Variants in MYO10 observed in about 807,000 individuals in gnomAD.
MYO10 encodes the protein myosin X, also known as unconventional myosin-X.
MYO10 carries 133 observed loss-of-function variants against 257.3 expected under a neutral mutation model. The ratio of observed to expected loss-of-function variants is 0.52; its 90% CI spans 0.45 to 0.60. MYO10 has a LOEUF of 0.60. Ranked by LOEUF, MYO10 falls within the 20% of genes least tolerant of loss-of-function variation. MYO10 has a pLI of 0.00. For synonymous variants in MYO10, 1,104 were observed against 1,028.6 expected, an observed-to-expected ratio of 1.07 and a Z score of -1.40; for missense variants, 2,399 against 2,635.7, an observed-to-expected ratio of 0.91 and a Z score of 1.97.
At chr5:16,811,014 A>G (rs1742420095) in intron 3 of MYO10, among the ~76,000 whole-genome samples, 1 of 149,766 alleles carries the variant, frequency 6.7e-6, no homozygotes, top group Non-Finnish European at 1.5e-5. Context: ...GGTTGCAGTG[A>G]GCCGACATGG....
At chr5:16,820,544 A>G (rs1172911735) in intron 2 of MYO10, among the ~76,000 whole-genome samples, 1 of 151,842 alleles carries the variant, frequency 6.6e-6, no homozygotes, top group Admixed American at 6.6e-5. Context: ...CCCTTCCCAA[A>G]TTTTCTTCTA....
chr5:16,896,761 C>T (rs1242502603), intron 1 of MYO10, among the ~76,000 whole-genome samples: 1 of 152,084 alleles, frequency 6.6e-6, no homozygotes, highest in Admixed American at 6.5e-5. Context: ...AGTGGGGTGG[C>T]AGGGCACTCC....
chr5:16,810,135 G>A (rs200442619), intron 3 of MYO10, among the ~76,000 whole-genome samples: 2 of 152,258 alleles, frequency 1.3e-5, no homozygotes, highest in East Asian at 3.9e-4. Context: ...TCAACACTGT[G>A]CTTAGATGCT....
chr5:16,877,580 G>T (rs771032585), intron 2 of MYO10, 29 bp downstream of exon 2: 7 of 1,562,814 alleles, frequency 4.5e-6, no homozygotes, highest in South Asian at 3.4e-5. Context: ...GACCATGGAT[G>T]TTGGGAAGCT....
At chr5:16,750,440 T>C (rs1156564149) in intron 19 of MYO10, among the ~76,000 whole-genome samples, 1 of 150,362 alleles carries the variant, frequency 6.7e-6, no homozygotes, top group Non-Finnish European at 1.5e-5. Flanking sequence ...AAACAAAAGC[T>C]CACAAAGGAT....
Position 16,701,049 on chromosome 5 carries a change from G to T in MYO10, c.3346C>A (p.Gln1116Lys). ...GAGCAGCGGTAGTCGGGGGACCACT[G>T]GCTGCCGTAGGAGTTGGAGAAGGTC... ...SVTFSNSYGS[Q>K]WSPDYRCSVG... Residue 1116 changes from glutamine (Q) to lysine (K), a missense_variant, in exon 25 of 41, where the codon CAG becomes AAG. Gln to Lys is a moderately conservative substitution (Grantham distance 53, BLOSUM62 1). This residue lies in a region of MYO10 where 1,820 missense variants were observed against 1,939.4 expected (regional missense o/e 0.94). Transcript: ENST00000513610. The surrounding 1 kb of genome is among the most constrained non-coding windows in gnomAD (Gnocchi z 8.1). The T allele has an allele frequency of 6.4e-7, 1 of 1,565,930 alleles. No individual in the cohort carries two copies. Among genetic ancestry groups the T allele is most frequent in the Non-Finnish European group, 8.7e-7 (1 of 1,155,846 alleles).
intron 9 of MYO10, among the ~76,000 whole-genome samples, chr5:16,771,528 T>C (rs1479157938): frequency 6.8e-6 from 1 of 148,038 alleles, no homozygotes; most frequent in Admixed American, 6.9e-5. Flanking sequence ...GACCCAAATC[T>C]AGGAACTTAC....
intron 4 of MYO10, among the ~76,000 whole-genome samples, chr5:16,792,217 T>C (rs185831913): frequency 4.8e-5 from 7 of 145,370 alleles, no homozygotes; most frequent in Admixed American, 2.8e-4. Context: ...TTCATATACA[T>C]GTAATCCCCA....
At chr5:16,778,258 G>A (rs1741282948) in intron 9 of MYO10, among the ~76,000 whole-genome samples, 1 of 152,014 alleles carries the variant, frequency 6.6e-6, no homozygotes, top group Non-Finnish European at 1.5e-5. Flanking sequence ...TCGATGACTG[G>A]GCTATCTTAA....
intron 1 of MYO10, 65 bp from the exon 2 acceptor site, chr5:16,877,772 C>A: frequency 8.3e-7 from 1 of 1,208,568 alleles, no homozygotes; most frequent in South Asian, 1.3e-5. Flanking sequence ...ACTGTACTGT[C>A]GAAATTACCC....
intron 1 of MYO10, among the ~76,000 whole-genome samples, chr5:16,898,774 C>A (rs1745291193): frequency 6.6e-6 from 1 of 151,956 alleles, no homozygotes; most frequent in South Asian, 2.1e-4. Flanking sequence ...AGCCATATTT[C>A]AAGTGCCCAA....
chr5:16,905,498 C>T (rs1165744249), intron 1 of MYO10, among the ~76,000 whole-genome samples: 2 of 152,106 alleles, frequency 1.3e-5, no homozygotes, highest in Non-Finnish European at 2.9e-5. Flanking sequence ...ATCAGAGCCA[C>T]CTCCCTGACA....
intron 19 of MYO10, among the ~76,000 whole-genome samples, chr5:16,749,491 A>G (rs1740320733): frequency 6.6e-6 from 1 of 151,980 alleles, no homozygotes; most frequent in Non-Finnish European, 1.5e-5. Context: ...CCTCAAAAAA[A>G]AAAAAAAAAA....
chr5:16,871,221 C>A (rs1475585219), intron 2 of MYO10, among the ~76,000 whole-genome samples: 1 of 152,108 alleles, frequency 6.6e-6, no homozygotes. Flanking sequence ...CTTAACATAC[C>A]AAGCTGGGTC....
intron 1 of MYO10, among the ~76,000 whole-genome samples, chr5:16,933,634 C>T (rs563953133): frequency 1.3e-5 from 2 of 152,272 alleles, no homozygotes; most frequent in South Asian, 4.1e-4. Flanking sequence ...TCTATTCTAA[C>T]AGGACATTAA....
chr5:16,878,854 GA>G (rs1236418614), intron 1 of MYO10, among the ~76,000 whole-genome samples: 3 of 152,000 alleles, frequency 2.0e-5, no homozygotes, highest in Admixed American at 1.3e-4. Flanking sequence ...GGTGGCGAAG[GA>G]TAAAAGACTA....
chr5:16,778,346 C>T (rs570792652), intron 9 of MYO10, among the ~76,000 whole-genome samples: 72 of 152,254 alleles, frequency 4.7e-4, no homozygotes, highest in African/African-American at 1.5e-3. Context: ...CTAATGCTCA[C>T]GCAACCAGAA....
chr5:16,830,746 C>T (rs1743141686), intron 2 of MYO10, among the ~76,000 whole-genome samples: 1 of 151,072 alleles, frequency 6.6e-6, no homozygotes, highest in African/African-American at 2.4e-5. Flanking sequence ...CTTACATTTG[C>T]AAAAAAACTT....
rs114411296 is a variant in MYO10, at chr5:16,768,594, G to A, written c.1060+480C>T. Among the ~76,000 whole-genome samples the A allele has an allele frequency of 2.1e-3, 314 of 149,690 alleles. 2 individuals carry two copies. The highest frequency in any genetic ancestry group is 7.1e-3 in the African/African-American group (291 of 40,788). On this transcript the variant is annotated intron_variant, in intron 10 of 40. Coordinates refer to ENST00000513610, the MANE Select transcript of MYO10 (RefSeq NM_012334.3). Reference sequence around the variant, plus strand: ...CATATACTCTGAGCCTTTCCTAACCGACGCTTCATATCTGACACAACTAAC... The same window carrying A: ...CATATACTCTGAGCCTTTCCTAACCAACGCTTCATATCTGACACAACTAAC...
Sources: allele counts gnomAD v4.1 joint callset (sites outside exome capture counted in the v4.1 genomes callset), GRCh38; gene constraint gnomAD v4.1.1; regional missense constraint gnomAD v4.1.1; non-coding constraint Gnocchi (gnomAD v3.1); transcripts MANE v1.5; gene names NCBI Gene and HGNC (gene_info 2026-07-23, HGNC 2026-07-21).